The following KAZN variants were observed in gnomAD, a reference collection of about 807,000 sequenced individuals.
The protein encoded by KAZN is kazrin, periplakin interacting protein.
Under a neutral mutation model 87.4 loss-of-function variants are expected in KAZN, and 40 were observed. That is an observed-to-expected ratio of 0.46 (90% CI 0.36 to 0.60). The LOEUF (loss-of-function observed/expected upper bound fraction) is 0.60. KAZN is among the 20% of genes least tolerant of loss of function. KAZN has a pLI of 0.00. For missense variants in KAZN, 898 were observed against 1,073.9 expected (o/e 0.84, Z 2.29); for synonymous variants, 466 against 458.3 (o/e 1.02, Z -0.22).
chr1:14,942,998 TGTGTGTGTG>T (rs1216200390), intron 1 of KAZN, among the ~76,000 whole-genome samples: 1 of 130,796 alleles, frequency 7.6e-6, no homozygotes, highest in Admixed American at 7.6e-5. Flanking sequence ...GCTGCGTGTG[TGTGTGTGTG>T]GTGTGTGTGT....
At chr1:14,645,556 T>C (rs1680747616) in intron 1 of KAZN, among the ~76,000 whole-genome samples, 1 of 152,204 alleles carries the variant, frequency 6.6e-6, no homozygotes, top group Non-Finnish European at 1.5e-5. Flanking sequence ...TTGGCTATTG[T>C]TGGTGTATAT....
chr1:14,836,278 T>TCCAGGTCC (rs1202531541), intron 1 of KAZN, among the ~76,000 whole-genome samples: 1 of 152,116 alleles, frequency 6.6e-6, no homozygotes, highest in Non-Finnish European at 1.5e-5. Flanking sequence ...AAGTTTCTGG[T>TCCAGGTCC]CCAGGTCCCC....
intron 2 of KAZN, among the ~76,000 whole-genome samples, chr1:14,461,203 G>T (rs1337488786): frequency 6.6e-6 from 1 of 152,120 alleles, no homozygotes; most frequent in Non-Finnish European, 1.5e-5. Context: ...CTCTTTCACA[G>T]GGTTCAAAAT....
chr1:14,593,874 T>C (rs1676341867), upstream of KAZN, among the ~76,000 whole-genome samples: 1 of 152,192 alleles, frequency 6.6e-6, no homozygotes, highest in Admixed American at 6.5e-5. Flanking sequence ...GGCCAGTTTA[T>C]GCAAGGCTGT....
chr1:14,449,569 T>A (rs1485534981), intron 2 of KAZN, among the ~76,000 whole-genome samples: 3 of 152,348 alleles, frequency 2.0e-5, no homozygotes, highest in Non-Finnish European at 4.4e-5. Flanking sequence ...CTTATACATA[T>A]GGAATTTTTC....
intron 1 of KAZN, among the ~76,000 whole-genome samples, chr1:14,924,963 G>A (rs1169859379): frequency 6.6e-6 from 1 of 152,248 alleles, no homozygotes; most frequent in Non-Finnish European, 1.5e-5. Context: ...CGGCCCCCGC[G>A]GAGTGCCGAG....
At chr1:14,953,018 G>A (rs773902423) in intron 1 of KAZN, among the ~76,000 whole-genome samples, 4 of 151,780 alleles carry the variant, frequency 2.6e-5, no homozygotes, top group Non-Finnish European at 4.4e-5. Flanking sequence ...AGCCAAGACT[G>A]AGCCCCAGCT....
intron 1 of KAZN, among the ~76,000 whole-genome samples, chr1:14,705,995 A>C (rs1187639943): frequency 6.6e-6 from 1 of 152,092 alleles, no homozygotes; most frequent in Non-Finnish European, 1.5e-5. Context: ...GCCACTCCCC[A>C]TGGCTCACAT....
chr1:15,114,382 C>T, intron 14 of KAZN, 89 bp from the exon 15 acceptor site: 1 of 1,036,540 alleles, frequency 9.6e-7, no homozygotes, highest in East Asian at 2.6e-5. Flanking sequence ...AATCACAGAG[C>T]AATTAGAATT....
chr1:14,324,062 C>T (rs1656233302), intron 2 of KAZN, among the ~76,000 whole-genome samples: 1 of 152,188 alleles, frequency 6.6e-6, no homozygotes, highest in Non-Finnish European at 1.5e-5. Context: ...AACCTGTGCA[C>T]CCTAATTGCA....
intron 1 of KAZN, among the ~76,000 whole-genome samples, chr1:13,933,141 C>T (rs963893344): frequency 7.2e-5 from 11 of 152,008 alleles, no homozygotes; most frequent in Admixed American, 1.3e-4. Flanking sequence ...CCATTAATGT[C>T]CTCTTTTTGT....
intron 2 of KAZN, among the ~76,000 whole-genome samples, chr1:14,544,715 A>C (rs1673033230): frequency 6.6e-6 from 1 of 151,590 alleles, no homozygotes; most frequent in African/African-American, 2.4e-5. Context: ...GATGCTCAGA[A>C]GACATCCCTT....
chr1:14,371,041 T>C (rs1421637809), intron 2 of KAZN, among the ~76,000 whole-genome samples: 1 of 152,188 alleles, frequency 6.6e-6, no homozygotes, highest in Non-Finnish European at 1.5e-5. Flanking sequence ...GGGTAGGTGA[T>C]GAGCTCAACA....
At chr1:14,179,912 T>C (rs1417077119) in intron 1 of KAZN, among the ~76,000 whole-genome samples, 1 of 152,186 alleles carries the variant, frequency 6.6e-6, no homozygotes, top group Non-Finnish European at 1.5e-5. Flanking sequence ...AGAGAAATAA[T>C]AATCCTTTCA....
intron 1 of KAZN, among the ~76,000 whole-genome samples, chr1:14,135,458 C>T (rs1159263451): frequency 6.6e-6 from 1 of 152,172 alleles, no homozygotes; most frequent in African/African-American, 2.4e-5. Context: ...TAAAAATTAG[C>T]CTGCTGTCTG....
intron 4 of KAZN, among the ~76,000 whole-genome samples, chr1:15,050,703 G>T (rs1674301376): frequency 1.3e-5 from 2 of 152,188 alleles, no homozygotes; most frequent in Admixed American, 1.3e-4. Context: ...CCTAGGCTGG[G>T]TCTGAACCCA....
At chr1:14,536,308 C>T (rs1200328004) in intron 2 of KAZN, among the ~76,000 whole-genome samples, 1 of 152,222 alleles carries the variant, frequency 6.6e-6, no homozygotes, top group Non-Finnish European at 1.5e-5. Context: ...TCTGCCCGTG[C>T]AAGACAGCTG....
At chr1:14,069,356 C>T (rs1422406929) in intron 1 of KAZN, among the ~76,000 whole-genome samples, 4 of 152,200 alleles carry the variant, frequency 2.6e-5, no homozygotes, top group Admixed American at 2.6e-4. Context: ...ACCTTCTACA[C>T]AACCGCGATT....
chr1:14,419,778 C>G (rs1009059776), intron 2 of KAZN, among the ~76,000 whole-genome samples: 1 of 151,908 alleles, frequency 6.6e-6, no homozygotes, highest in African/African-American at 2.4e-5. Flanking sequence ...GTTTGTCCCT[C>G]CCATCCGGAG....
Sources: allele counts gnomAD v4.1 joint callset (sites outside exome capture counted in the v4.1 genomes callset), GRCh38; gene constraint gnomAD v4.1.1; transcripts MANE v1.5; gene names NCBI Gene and HGNC (gene_info 2026-07-23, HGNC 2026-07-21).